The following RFX4 variants were observed in gnomAD, a reference collection of about 807,000 sequenced individuals.
RFX4 encodes the protein transcription factor RFX4.
RFX4 carries 10 observed loss-of-function variants against 95.0 expected under a neutral mutation model. That is an observed-to-expected ratio of 0.11 (90% confidence interval 0.06 to 0.18). RFX4 has a LOEUF of 0.18. Among genes scored for constraint, RFX4 ranks in the 10% least tolerant of loss-of-function variants. The pLI is 1.00. For synonymous variants in RFX4, 321 were observed against 340.7 expected, an observed-to-expected ratio of 0.94 and a Z score of 0.64; for missense variants, 640 against 922.0, an observed-to-expected ratio of 0.69 and a Z score of 3.96.
intron 15 of RFX4, among the ~76,000 whole-genome samples, chr12:106,746,342 T>G: frequency 7.4e-6 from 1 of 135,118 alleles, no homozygotes; most frequent in African/African-American, 2.9e-5. Context: ...GGTGACAGAG[T>G]GAGACTCCAT....
chr12:106,641,073 G>T (rs1031999964), intron 3 of RFX4, among the ~76,000 whole-genome samples: 8 of 152,260 alleles, frequency 5.3e-5, no homozygotes, highest in African/African-American at 1.7e-4. Flanking sequence ...AAGCCACCAT[G>T]CCTGGCCAAC....
At position 106,709,571 on chromosome 12, in the gene RFX4, T is replaced by C. The variant is rs1041956603; in HGVS notation, c.934+141T>C. 5.1e-6 allele frequency: 3 copies of C among 588,948 alleles called. No individual in the cohort carries two copies. In the South Asian group the frequency reaches 7.4e-5, roughly 15 times the overall value. The allele number at this position is 588,948 out of a possible 1,614,324, so 36.5% of individuals were successfully genotyped here. Reference sequence around the variant, plus strand: ...CAGGTATTATACTAATTACTTTACATATGTAAATATATTTAATCCTCATAA... The same window carrying C: ...CAGGTATTATACTAATTACTTTACACATGTAAATATATTTAATCCTCATAA... On this transcript the variant is annotated intron_variant, in intron 9 of 17. Coordinates refer to ENST00000392842, the MANE Select transcript of RFX4 (RefSeq NM_213594.3).
chr12:106,720,761 G>A lies in RFX4; in HGVS notation c.1236G>A (p.Val412=). Residue 412 remains valine (V), a splice_region_variant and synonymous_variant, in exon 13 of 18, where the codon GTG becomes GTA. Coordinates refer to ENST00000392842, the MANE Select transcript of RFX4 (RefSeq NM_213594.3). The surrounding 1 kb of genome is among the most constrained non-coding windows in gnomAD (Gnocchi z 4.2). ...DTMVDRCVVK[V]AAKRQGSLKK... ...TAAAGCCATTTACTTTCTTGTAGGT[G>A]GCTGCCAAGAGACAAGGGTCCTTGA... The A allele has an allele frequency of 6.2e-7, 1 of 1,613,924 alleles. No homozygotes were observed. The highest frequency in any genetic ancestry group is 8.5e-7 in the Non-Finnish European group (1 of 1,179,896).
intron 2 of RFX4, among the ~76,000 whole-genome samples, chr12:106,627,862 G>A (rs981770753): frequency 1.3e-5 from 2 of 152,228 alleles, no homozygotes; most frequent in African/African-American, 4.8e-5. Flanking sequence ...CCACTGAGAT[G>A]TAGGCCAAAT....
intron 17 of RFX4, among the ~76,000 whole-genome samples, chr12:106,760,467 C>T (rs2043189701): frequency 6.6e-6 from 1 of 152,192 alleles, no homozygotes; most frequent in South Asian, 2.1e-4. Flanking sequence ...CTCTGACCTG[C>T]ACAAAAGCTC....
intron 17 of RFX4, among the ~76,000 whole-genome samples, chr12:106,752,948 C>T (rs116057624): frequency 1.3e-5 from 2 of 152,206 alleles, no homozygotes; most frequent in African/African-American, 4.8e-5. Context: ...CCTCTGTGCT[C>T]GTCTCAGCTC....
At chr12:106,601,946 C>A (rs546837659) in intron 1 of RFX4, among the ~76,000 whole-genome samples, 4 of 152,212 alleles carry the variant, frequency 2.6e-5, no homozygotes, top group Non-Finnish European at 5.9e-5. Context: ...ATGCCACCCC[C>A]TCTGTGAAGC....
intron 2 of RFX4, among the ~76,000 whole-genome samples, chr12:106,628,327 A>G (rs148026481): frequency 6.6e-6 from 1 of 152,276 alleles, no homozygotes; most frequent in African/African-American, 2.4e-5. Flanking sequence ...GGAAGGCACT[A>G]TGTCTGACTG....
chr12:106,686,853 C>A, intron 5 of RFX4, 31 bp from the exon 6 acceptor site: 5 of 1,301,730 alleles, frequency 3.8e-6, no homozygotes, highest in Non-Finnish European at 5.2e-6. Context: ...TTTTTTTTTT[C>A]TCTCTCTCCC....
At chr12:106,693,102 C>T (rs1339612652) in intron 7 of RFX4, 1 of 443,600 alleles carries the variant, frequency 2.3e-6, no homozygotes. Flanking sequence ...GCTCCACCTT[C>T]TGCAGGGAAA....
At chr12:106,626,908 C>T (rs896312751) in intron 2 of RFX4, among the ~76,000 whole-genome samples, 10 of 152,234 alleles carry the variant, frequency 6.6e-5, no homozygotes, top group African/African-American at 2.4e-4. Context: ...GAGTCCAGAA[C>T]CTTCCAATTC....
At chr12:106,655,343 G>A (rs1021171857) in intron 4 of RFX4, among the ~76,000 whole-genome samples, 9 of 152,144 alleles carry the variant, frequency 5.9e-5, no homozygotes, top group African/African-American at 2.2e-4. Flanking sequence ...CAAAGTGAAA[G>A]GGATGTTTTT....
At chr12:106,696,522 T>C in intron 8 of RFX4, 76 bp downstream of exon 8, 2 of 1,553,538 alleles carry the variant, frequency 1.3e-6, no homozygotes, top group East Asian at 4.5e-5. Flanking sequence ...GTACTGATTA[T>C]AATCATGCAC....
At chr12:106,635,990 G>A (rs1048929022) in intron 2 of RFX4, among the ~76,000 whole-genome samples, 1 of 152,176 alleles carries the variant, frequency 6.6e-6, no homozygotes, top group Non-Finnish European at 1.5e-5. Context: ...TTATTGTGCT[G>A]TTCTTTAAGA....
intron 4 of RFX4, among the ~76,000 whole-genome samples, chr12:106,667,632 G>A (rs1216934132): frequency 6.6e-6 from 1 of 152,118 alleles, no homozygotes; most frequent in Non-Finnish European, 1.5e-5. Flanking sequence ...TGGGTCCTGA[G>A]GCAGTTCCCA....
intron 3 of RFX4, among the ~76,000 whole-genome samples, chr12:106,642,031 A>T (rs140360841): frequency 8.2e-6 from 1 of 122,304 alleles, no homozygotes; most frequent in East Asian, 2.5e-4. Context: ...ATTTTTTGAG[A>T]TGGAGTTTTG....
At chr12:106,747,342 C>A in intron 15 of RFX4, 95 bp from the exon 16 acceptor site, 1 of 1,422,128 alleles carries the variant, frequency 7.0e-7, no homozygotes, top group Non-Finnish European at 9.6e-7. Context: ...AGATTTTGGC[C>A]TTCAACTTAA....
intron 1 of RFX4, chr12:106,601,365 G>A (rs781202125): frequency 1.4e-5 from 22 of 1,567,808 alleles, no homozygotes; most frequent in Non-Finnish European, 1.8e-5. Flanking sequence ...CAGGGCCCAG[G>A]GACAGGAGAC....
intron 11 of RFX4, among the ~76,000 whole-genome samples, chr12:106,716,432 G>C (rs1461345840): frequency 6.6e-6 from 1 of 151,994 alleles, no homozygotes; most frequent in Non-Finnish European, 1.5e-5. Flanking sequence ...AGATTTCTTA[G>C]TATATGCCTT....
Sources: allele counts gnomAD v4.1 joint callset (sites outside exome capture counted in the v4.1 genomes callset), GRCh38; gene constraint gnomAD v4.1.1; non-coding constraint Gnocchi (gnomAD v3.1); transcripts MANE v1.5; gene names NCBI Gene and HGNC (gene_info 2026-07-23, HGNC 2026-07-21).